The following EPHA6 variants were observed in gnomAD, a reference collection of about 807,000 sequenced individuals.
The protein encoded by EPHA6 is EPH receptor A6.
Under a neutral mutation model 112.0 loss-of-function variants are expected in EPHA6, and 50 were observed. The observed-to-expected ratio is 0.45, with a 90% CI of 0.36 to 0.56. The LOEUF (loss-of-function observed/expected upper bound fraction) is 0.56. EPHA6 is among the 20% of genes least tolerant of loss of function. The pLI, the probability that EPHA6 is intolerant of heterozygous loss-of-function variation, is 0.00. For synonymous variants in EPHA6, 529 were observed against 490.7 expected, an observed-to-expected ratio of 1.08 and a Z score of -1.03; for missense variants, 1,280 against 1,417.4, an observed-to-expected ratio of 0.90 and a Z score of 1.56.
intron 2 of EPHA6, among the ~76,000 whole-genome samples, chr3:96,879,848 C>T (rs1036226736): frequency 1.3e-5 from 2 of 151,934 alleles, no homozygotes; most frequent in Non-Finnish European, 2.9e-5. Flanking sequence ...TTTGTGTACT[C>T]GATTTTGTAA....
chr3:97,526,537 G>A (rs868341759), intron 10 of EPHA6, among the ~76,000 whole-genome samples: 1 of 152,182 alleles, frequency 6.6e-6, no homozygotes, highest in African/African-American at 2.4e-5. Flanking sequence ...CTCATAGACT[G>A]CATCTGAGAG....
chr3:97,662,697 C>G (rs990472473), intron 14 of EPHA6, among the ~76,000 whole-genome samples: 1 of 152,150 alleles, frequency 6.6e-6, no homozygotes, highest in African/African-American at 2.4e-5. Flanking sequence ...TTATGGCATA[C>G]CCCTAGCATC....
In EPHA6 at chr3:97,761,470, T is replaced by C. The variant is rs2036166565; in HGVS notation, c.*12769T>C. 1 of 177,742 alleles carries C rather than the reference T, an allele frequency of 5.6e-6. No homozygotes were observed. Among genetic ancestry groups the C allele is most frequent in the Admixed American group, 6.3e-5 (1 of 15,838 alleles). The allele number at this position is 177,742 out of a possible 1,614,324, so 11.0% of individuals were successfully genotyped here. A position where few individuals can be genotyped will look rare whatever the true frequency, so the allele number is the denominator to read the frequency against. On this transcript the variant is annotated 3_prime_UTR_variant, in exon 18 of 18. Coordinates refer to ENST00000389672, the MANE Select transcript of EPHA6 (RefSeq NM_001080448.3). ...AGAGGCATTATCAGGGTCTTACAGA[T>C]GGAGTAAGCCTGTTTATTAAAATAT...
At chr3:96,829,494 G>A (rs1229986737) in intron 1 of EPHA6, among the ~76,000 whole-genome samples, 2 of 152,056 alleles carry the variant, frequency 1.3e-5, no homozygotes, top group Admixed American at 6.6e-5. Context: ...TATAGAAATC[G>A]CTGGATTAGG....
chr3:96,938,414 G>C lies in EPHA6; in HGVS notation c.451-48916G>C, dbSNP rs925167080. On this transcript the variant is annotated intron_variant, in intron 2 of 17. Coordinates refer to ENST00000389672, the MANE Select transcript of EPHA6 (RefSeq NM_001080448.3). ...TCATGATTTGGCTCTCTGTTTGTCT[G>C]TTGTTGGTGTATAAGAATGCTTGTG... Among the ~76,000 whole-genome samples the C allele has an allele frequency of 7.3e-5, 11 of 151,196 alleles. No homozygotes were observed. In the South Asian group the frequency reaches 1.7e-3, roughly 23 times the overall value.
At chr3:96,962,733 T>C (rs114510365) in intron 2 of EPHA6, among the ~76,000 whole-genome samples, 3 of 152,018 alleles carry the variant, frequency 2.0e-5, no homozygotes, top group African/African-American at 7.2e-5. Flanking sequence ...TGCTTGCTAA[T>C]TTACCATACT....
intron 5 of EPHA6, among the ~76,000 whole-genome samples, chr3:97,394,623 T>C (rs1275027927): frequency 6.6e-6 from 1 of 151,738 alleles, no homozygotes; most frequent in African/African-American, 2.4e-5. Context: ...AATATCTGAA[T>C]AGATATTTTT....
intron 14 of EPHA6, among the ~76,000 whole-genome samples, chr3:97,658,122 G>T (rs927908529): frequency 1.3e-5 from 2 of 151,760 alleles, no homozygotes; most frequent in Non-Finnish European, 2.9e-5. Context: ...ATTATTCTTA[G>T]CATTATGCTT....
intron 5 of EPHA6, among the ~76,000 whole-genome samples, chr3:97,318,142 A>G (rs1192918659): frequency 6.6e-6 from 1 of 151,980 alleles, no homozygotes; most frequent in Non-Finnish European, 1.5e-5. Flanking sequence ...CTGAAACACA[A>G]TTAAGCCATC....
At chr3:97,215,395 T>C (rs2078004581) in intron 3 of EPHA6, among the ~76,000 whole-genome samples, 1 of 152,204 alleles carries the variant, frequency 6.6e-6, no homozygotes, top group African/African-American at 2.4e-5. Flanking sequence ...ATATTCTGAT[T>C]TCAATTTTCT....
rs1317018533 is a variant in EPHA6, at chr3:97,753,013, TA to T, written c.*4313del. Among the ~76,000 whole-genome samples the T allele has an allele frequency of 6.6e-6, 1 of 152,032 alleles. No individual in the cohort carries two copies. The highest frequency in any genetic ancestry group is 2.4e-5 in the African/African-American group (1 of 41,430). On this transcript the variant is annotated 3_prime_UTR_variant, in exon 18 of 18. Transcript: ENST00000389672. Reference sequence around the variant, plus strand: ...TTTTTAATATGAAGACTCCAAAAGGTAGAGGAGTACACTGGGTTAAATGGAT... The same window carrying T: ...TTTTTAATATGAAGACTCCAAAAGGTGAGGAGTACACTGGGTTAAATGGAT...
intron 2 of EPHA6, among the ~76,000 whole-genome samples, chr3:96,946,838 T>A (rs2041290545): frequency 6.6e-6 from 1 of 152,162 alleles, no homozygotes; most frequent in African/African-American, 2.4e-5. Context: ...AAGCACCTGT[T>A]GTTTCCTGAC....
rs1170311924 is a variant in EPHA6, at chr3:97,750,844, AG to A, written c.*2148del. 6.6e-6 allele frequency among the ~76,000 whole-genome samples: 1 copy of A among 152,182 alleles called. No individual in the cohort carries two copies. Among genetic ancestry groups the A allele is most frequent in the Non-Finnish European group, 1.5e-5 (1 of 68,016 alleles). On this transcript the variant is annotated 3_prime_UTR_variant, in exon 18 of 18. Transcript: ENST00000389672. ...TTTCTTAAAATATACAAAAAAAGGT[AG>A]GGGGTGATGGGAAAATCATCACTTT...
intron 6 of EPHA6, among the ~76,000 whole-genome samples, chr3:97,427,062 A>G (rs2089177723): frequency 6.6e-6 from 1 of 152,204 alleles, no homozygotes. Context: ...GAGGTTGCAG[A>G]GAAAAAGGAA....
At chr3:97,630,496 A>G (rs1445796045) in intron 13 of EPHA6, among the ~76,000 whole-genome samples, 1 of 152,046 alleles carries the variant, frequency 6.6e-6, no homozygotes, top group East Asian at 1.9e-4. Flanking sequence ...TTTTTGATTT[A>G]GAAACATATA....
At position 97,518,057 on chromosome 3, in the gene EPHA6, G is replaced by C. The variant is rs138856151; in HGVS notation, c.2201-14301G>C. Among the ~76,000 whole-genome samples, 5 of 152,226 alleles carry C rather than the reference G, an allele frequency of 3.3e-5. No individual in the cohort carries two copies. In the East Asian group the frequency reaches 9.6e-4, roughly 29 times the overall value. On this transcript the variant is annotated intron_variant, in intron 10 of 17. Coordinates refer to ENST00000389672, the MANE Select transcript of EPHA6 (RefSeq NM_001080448.3). ...GTGAATAATGCTACAGTGAACATTG[G>C]AGTGCAGATAGCTCATCAGCATATT...
chr3:97,404,717 C>A (rs1232872893), intron 5 of EPHA6, among the ~76,000 whole-genome samples: 1 of 151,994 alleles, frequency 6.6e-6, no homozygotes, highest in Non-Finnish European at 1.5e-5. Context: ...TTTTTTGAAG[C>A]CTTAAAATGT....
At chr3:97,016,819 T>C (rs2044282560) in intron 3 of EPHA6, among the ~76,000 whole-genome samples, 1 of 152,216 alleles carries the variant, frequency 6.6e-6, no homozygotes, top group African/African-American at 2.4e-5. Flanking sequence ...GTATCCACTC[T>C]TTTGCCTGCT....
At chr3:96,947,254 C>G (rs1014204078) in intron 2 of EPHA6, among the ~76,000 whole-genome samples, 1 of 152,112 alleles carries the variant, frequency 6.6e-6, no homozygotes, top group Admixed American at 6.5e-5. Flanking sequence ...AAGTCCTTGC[C>G]TATGCCTATG....
Sources: gnomAD v4.1 joint callset for allele counts (sites outside exome capture counted in the v4.1 genomes callset) on GRCh38, gnomAD v4.1.1 for gene constraint, MANE v1.5 for transcripts, NCBI Gene and HGNC (gene_info 2026-07-23, HGNC 2026-07-21) for gene names.